The following CDC42BPA variants were observed in gnomAD, a reference collection of about 807,000 sequenced individuals.
CDC42BPA encodes the protein CDC42 binding protein kinase alpha, also known as serine/threonine-protein kinase MRCK alpha.
CDC42BPA carries 80 observed loss-of-function variants against 223.5 expected under a neutral mutation model. The observed-to-expected ratio is 0.36, with a 90% confidence interval of 0.30 to 0.43. CDC42BPA has a LOEUF of 0.43. Ranked by LOEUF, CDC42BPA falls within the 20% of genes least tolerant of loss-of-function variation. The pLI, the probability that CDC42BPA is intolerant of heterozygous loss-of-function variation, is 1.00. For synonymous variants in CDC42BPA, 694 were observed against 718.6 expected (o/e 0.97, Z 0.55); for missense variants, 1,743 against 2,099.9 (o/e 0.83, Z 3.32).
intron 6 of CDC42BPA, among the ~76,000 whole-genome samples, chr1:227,148,772 CAAAAAAAAAAA>C (rs57635319): frequency 2.5e-5 from 2 of 78,784 alleles, no homozygotes; most frequent in African/African-American, 1.1e-4. Flanking sequence ...GTCTCAAAAG[CAAAAAAAAAAA>C]AAAAAAAAAA....
intron 35 of CDC42BPA, among the ~76,000 whole-genome samples, chr1:227,002,512 G>A (rs1444045147): frequency 3.3e-5 from 5 of 152,180 alleles, no homozygotes; most frequent in African/African-American, 7.2e-5. Context: ...CAAGATGATC[G>A]TCCCTTCTAG....
At chr1:227,083,296 A>T (rs1220701615) in intron 16 of CDC42BPA, among the ~76,000 whole-genome samples, 1 of 152,034 alleles carries the variant, frequency 6.6e-6, no homozygotes, top group Non-Finnish European at 1.5e-5. Context: ...TTTTTAACAT[A>T]TGCAGTCCTT....
chr1:227,303,641 T>C (rs1336961826), intron 1 of CDC42BPA, among the ~76,000 whole-genome samples: 1 of 152,178 alleles, frequency 6.6e-6, no homozygotes, highest in Non-Finnish European at 1.5e-5. Context: ...CTAAAACTTC[T>C]GAAGATTCTG....
intron 5 of CDC42BPA, among the ~76,000 whole-genome samples, chr1:227,166,659 G>C (rs769071009): frequency 6.6e-6 from 1 of 152,090 alleles, no homozygotes; most frequent in Admixed American, 6.6e-5. Context: ...TGTGAACTAA[G>C]CTGAACTTAT....
At chr1:227,271,537 T>C (rs1185916977) in intron 1 of CDC42BPA, among the ~76,000 whole-genome samples, 1 of 152,090 alleles carries the variant, frequency 6.6e-6, no homozygotes, top group African/African-American at 2.4e-5. Flanking sequence ...GGGAGAACGA[T>C]ACAAATGACT....
chr1:227,187,513 C>G (rs558923249), intron 5 of CDC42BPA, among the ~76,000 whole-genome samples: 5 of 146,714 alleles, frequency 3.4e-5, no homozygotes, highest in African/African-American at 1.2e-4. Context: ...AACAGAATAT[C>G]CAAGAACTGT....
At chr1:227,212,527 AC>A (rs1331247907) in intron 3 of CDC42BPA, among the ~76,000 whole-genome samples, 2 of 151,634 alleles carry the variant, frequency 1.3e-5, no homozygotes, top group Non-Finnish European at 2.9e-5. Flanking sequence ...ACAGCAGCGG[AC>A]CCCCCAGAAG....
intron 2 of CDC42BPA, among the ~76,000 whole-genome samples, chr1:227,248,112 G>A (rs1273177335): frequency 6.6e-6 from 1 of 151,936 alleles, no homozygotes; most frequent in Non-Finnish European, 1.5e-5. Flanking sequence ...ACCTCAAAGG[G>A]TAAATCTAAG....
intron 30 of CDC42BPA, among the ~76,000 whole-genome samples, chr1:227,028,218 T>A (rs1013129311): frequency 6.6e-6 from 1 of 152,054 alleles, no homozygotes; most frequent in African/African-American, 2.4e-5. Context: ...TAGATAAAAG[T>A]GGAAAACTGA....
At chr1:227,001,309 G>T (rs1355073192) in intron 35 of CDC42BPA, among the ~76,000 whole-genome samples, 1 of 152,078 alleles carries the variant, frequency 6.6e-6, no homozygotes, top group Non-Finnish European at 1.5e-5. Flanking sequence ...TTCCCGAGAG[G>T]GTCTTTCCTC....
intron 2 of CDC42BPA, among the ~76,000 whole-genome samples, chr1:227,241,315 T>C (rs1043120401): frequency 1.3e-5 from 2 of 152,112 alleles, no homozygotes; most frequent in African/African-American, 4.8e-5. Context: ...ATGCAACTAC[T>C]GCCTAGCATA....
intron 4 of CDC42BPA, among the ~76,000 whole-genome samples, chr1:227,194,644 A>C (rs1670367360): frequency 1.3e-5 from 2 of 152,210 alleles, no homozygotes; most frequent in Admixed American, 1.3e-4. Context: ...GTAGGTTGTT[A>C]GATTACAGCT....
chr1:227,011,543 T>C (rs1003577160), intron 34 of CDC42BPA, among the ~76,000 whole-genome samples: 26 of 152,320 alleles, frequency 1.7e-4, no homozygotes, highest in African/African-American at 5.8e-4. Context: ...TGTTTGTTTT[T>C]ACTGATTTTA....
intron 2 of CDC42BPA, among the ~76,000 whole-genome samples, chr1:227,243,987 G>A (rs1320435567): frequency 6.6e-6 from 1 of 150,528 alleles, no homozygotes; most frequent in African/African-American, 2.4e-5. Context: ...AACACAATAC[G>A]GCCACTCACT....
At chr1:227,115,398 A>G (rs772010945) in intron 12 of CDC42BPA, among the ~76,000 whole-genome samples, 5 of 152,084 alleles carry the variant, frequency 3.3e-5, no homozygotes, top group Non-Finnish European at 7.4e-5. Context: ...TGTGCCTTCT[A>G]TAAGAGAGTC....
At chr1:227,277,000 A>G (rs1169700012) in intron 1 of CDC42BPA, among the ~76,000 whole-genome samples, 3 of 151,822 alleles carry the variant, frequency 2.0e-5, no homozygotes, top group Non-Finnish European at 2.9e-5. Context: ...TTTATCTGCT[A>G]ACCTTCCCTC....
intron 16 of CDC42BPA, among the ~76,000 whole-genome samples, chr1:227,086,466 TATC>T (rs1266886529): frequency 2.0e-5 from 3 of 152,186 alleles, no homozygotes; most frequent in South Asian, 4.1e-4. Context: ...AGTTCCTCCA[TATC>T]ATCATCAATA....
At chr1:227,246,589 C>T (rs980419586) in intron 2 of CDC42BPA, among the ~76,000 whole-genome samples, 1 of 152,076 alleles carries the variant, frequency 6.6e-6, no homozygotes, top group African/African-American at 2.4e-5. Flanking sequence ...GCCTGGTAAT[C>T]CAGAGAAAAC....
At chr1:227,275,158 A>AT (rs1490454329) in intron 1 of CDC42BPA, among the ~76,000 whole-genome samples, 1 of 151,854 alleles carries the variant, frequency 6.6e-6, no homozygotes, top group African/African-American at 2.4e-5. Flanking sequence ...AATAAAAAAT[A>AT]TTTTAAACTA....
Sources: gnomAD v4.1 joint callset for allele counts (sites outside exome capture counted in the v4.1 genomes callset) on GRCh38, gnomAD v4.1.1 for gene constraint, MANE v1.5 for transcripts, NCBI Gene and HGNC (gene_info 2026-07-23, HGNC 2026-07-21) for gene names.